Variants in KIF26B observed in about 807,000 individuals in gnomAD.
KIF26B encodes the protein kinesin-like protein KIF26B.
KIF26B carries 63 observed loss-of-function variants against 151.2 expected under a neutral mutation model. That is an observed-to-expected ratio of 0.42 (90% CI 0.34 to 0.51). The LOEUF is 0.51. Among genes scored for constraint, KIF26B ranks in the 20% least tolerant of loss-of-function variants. KIF26B has a pLI of 0.07. For missense variants in KIF26B, 2,813 were observed against 2,913.6 expected, an observed-to-expected ratio of 0.97 and a Z score of 0.79; for synonymous variants, 1,357 against 1,262.1, an observed-to-expected ratio of 1.08 and a Z score of -1.59.
intron 2 of KIF26B, among the ~76,000 whole-genome samples, chr1:245,276,820 T>G (rs929303228): frequency 2.0e-5 from 3 of 152,186 alleles, no homozygotes; most frequent in African/African-American, 7.2e-5. Flanking sequence ...GCTGTCTCTG[T>G]AGGGACAAAG....
intron 9 of KIF26B, among the ~76,000 whole-genome samples, chr1:245,618,926 G>C (rs1448926287): frequency 8.0e-6 from 1 of 125,438 alleles, no homozygotes; most frequent in East Asian, 2.4e-4. Flanking sequence ...AGCCCTATTA[G>C]ACTATAGGTT....
rs1047325972 is a variant in KIF26B at position 245,582,404 on chromosome 1, C to A, written c.1351-20173C>A. Among the ~76,000 whole-genome samples the A allele has an allele frequency of 3.3e-5, 5 of 152,092 alleles. No individual in the cohort carries two copies. In the South Asian group the frequency reaches 1.0e-3, roughly 32 times the overall value. On this transcript the variant is annotated intron_variant, in intron 5 of 14. Transcript: ENST00000407071. ...CAATTTTGAGTTGTTTTACAACTTA[C>A]CAGGCCGTTAATCTAAGTTTTAAAA...
chr1:245,222,140 T>C, intron 2 of KIF26B, among the ~76,000 whole-genome samples: 1 of 152,134 alleles, frequency 6.6e-6, no homozygotes, highest in East Asian at 1.9e-4. Flanking sequence ...GGAAAGACCC[T>C]CTTAACAAAT....
Position 245,687,109 on chromosome 1 carries a change from G to A in KIF26B, c.4126G>A (p.Ala1376Thr), listed in dbSNP as rs1350047468. The A allele has an allele frequency of 6.2e-7, 1 of 1,613,360 alleles. No individual in the cohort carries two copies. Among genetic ancestry groups the A allele is most frequent in the Non-Finnish European group, 8.5e-7 (1 of 1,179,804 alleles). Reference sequence around the variant, plus strand: ...GGCCATGGTCACCATCTCCAACACGGCCAATCTGAGCAGCTGCGAGGGGTA... The same window carrying A: ...GGCCATGGTCACCATCTCCAACACGACCAATCTGAGCAGCTGCGAGGGGTA... ...SKAMVTISNT[A>T]NLSSCEGYIP... The change falls in exon 12 of 15, where the codon GCC becomes ACC. Residue 1376 changes from alanine (A) to threonine (T), a missense_variant. This residue lies in a region of KIF26B where 2,060 missense variants were observed against 2,088.6 expected (regional missense o/e 0.99). Coordinates refer to ENST00000407071, the MANE Select transcript of KIF26B (RefSeq NM_018012.4). The surrounding 1 kb of genome is among the most constrained non-coding windows in gnomAD (Gnocchi z 4.9).
rs550297095 is a variant in KIF26B, at chr1:245,327,466, G to T, written c.466-39368G>T. On this transcript the variant is annotated intron_variant, in intron 2 of 14. Coordinates refer to ENST00000407071, the MANE Select transcript of KIF26B (RefSeq NM_018012.4). ...GTTTTCCTCCCTTGCATTTTGGTCT[G>T]TCTGCTCCCCAAACTTTTAGCTATG... Among the ~76,000 whole-genome samples, 32 of 152,208 alleles carry T rather than the reference G, an allele frequency of 2.1e-4. No individual in the cohort carries two copies. In the South Asian group the frequency reaches 4.4e-3, roughly 21 times the overall value.
intron 4 of KIF26B, among the ~76,000 whole-genome samples, chr1:245,539,896 G>C (rs1353059236): frequency 6.6e-5 from 10 of 152,144 alleles, no homozygotes; most frequent in African/African-American, 2.4e-4. Context: ...CAGGTGAGCT[G>C]CCTGCCTCGG....
chr1:245,343,239 T>A (rs1468858198), intron 2 of KIF26B, among the ~76,000 whole-genome samples: 1 of 152,144 alleles, frequency 6.6e-6, no homozygotes, highest in African/African-American at 2.4e-5. Context: ...GTTATTTGGG[T>A]GTGATGTGTT....
intron 4 of KIF26B, among the ~76,000 whole-genome samples, chr1:245,453,914 AT>A (rs2103054226): frequency 6.6e-6 from 1 of 152,314 alleles, no homozygotes; most frequent in Admixed American, 6.5e-5. Context: ...CTGAAATGGT[AT>A]AAATAAAAAT....
At chr1:245,664,091 G>A (rs146855362) in intron 10 of KIF26B, among the ~76,000 whole-genome samples, 2 of 152,214 alleles carry the variant, frequency 1.3e-5, no homozygotes, top group African/African-American at 4.8e-5. Context: ...ATCCACGGCC[G>A]GGCATGGTGG....
At chr1:245,669,235 ACT>A (rs1212410045) in intron 10 of KIF26B, among the ~76,000 whole-genome samples, 1 of 152,114 alleles carries the variant, frequency 6.6e-6, no homozygotes, top group African/African-American at 2.4e-5. Context: ...ATCATGGGCC[ACT>A]CTCATCGTTA....
In KIF26B at chr1:245,303,305, T is replaced by C. The variant is rs548015848; in HGVS notation, c.466-63529T>C. ...GCTCCGCCTCCCGGGTTCACGCCAT[T>C]CTCCTGCCTCAGCCTCCCGAGTAGC... On this transcript the variant is annotated intron_variant, in intron 2 of 14. Coordinates refer to ENST00000407071, the MANE Select transcript of KIF26B (RefSeq NM_018012.4). Among the ~76,000 whole-genome samples, 17 of 149,144 alleles carry C rather than the reference T, an allele frequency of 1.1e-4. 1 individual carries two copies. The South Asian group carries it at 3.0e-3, about 26-fold the overall frequency.
intron 2 of KIF26B, among the ~76,000 whole-genome samples, chr1:245,245,931 A>AAAAC (rs1378104780): frequency 6.6e-6 from 1 of 150,722 alleles, no homozygotes; most frequent in Non-Finnish European, 1.5e-5. Context: ...GTCTCAAAAA[A>AAAAC]AAAAAAAAAA....
At chr1:245,445,953 C>T (rs966075046) in intron 4 of KIF26B, among the ~76,000 whole-genome samples, 1 of 152,206 alleles carries the variant, frequency 6.6e-6, no homozygotes, top group African/African-American at 2.4e-5. Context: ...TCATCTATTA[C>T]TATTTCATTT....
In KIF26B at chr1:245,288,936, G is replaced by GT. The variant is rs34674785; in HGVS notation, c.466-77889dup. ...AATCTAAACAATGCCACAACTGTTT[G>GT]TTTTTTTTTAAATAACCTTCCATGC... On this transcript the variant is annotated intron_variant, in intron 2 of 14. Coordinates refer to ENST00000407071, the MANE Select transcript of KIF26B (RefSeq NM_018012.4). Among the ~76,000 whole-genome samples, 20 of 151,774 alleles carry GT rather than the reference G, an allele frequency of 1.3e-4. No individual in the cohort carries two copies. In the East Asian group the frequency reaches 1.5e-3, roughly 12 times the overall value.
At chr1:245,272,766 T>C (rs1241291813) in intron 2 of KIF26B, among the ~76,000 whole-genome samples, 1 of 152,226 alleles carries the variant, frequency 6.6e-6, no homozygotes, top group African/African-American at 2.4e-5. Context: ...TCCCCAGTGA[T>C]TGTTTTCTTT....
Position 245,155,400 on chromosome 1 carries a change from G to C in KIF26B, c.-25G>C, listed in dbSNP as rs760531064. The C allele has an allele frequency of 9.4e-6, 15 of 1,596,300 alleles. 1 individual carries two copies. The East Asian group carries it at 2.3e-4, about 24-fold the overall frequency. On this transcript the variant is annotated 5_prime_UTR_variant, in exon 1 of 15. Transcript: ENST00000407071. The stretch of plus-strand genomic sequence containing the variant: ...GGATGTAGCGTCGGTGGAACCTTTA[G>C]ATACTCTCCTCTGGAAAAGCCACCA...
intron 3 of KIF26B, among the ~76,000 whole-genome samples, chr1:245,402,127 A>T (rs948796433): frequency 6.6e-6 from 1 of 152,170 alleles, no homozygotes; most frequent in African/African-American, 2.4e-5. Context: ...GTTGTTGAGC[A>T]GCTGTTCTCC....
intron 5 of KIF26B, among the ~76,000 whole-genome samples, chr1:245,542,758 A>G (rs1049872589): frequency 1.1e-4 from 17 of 152,226 alleles, no homozygotes; most frequent in African/African-American, 4.1e-4. Context: ...GTGGTAAGAT[A>G]CAGGTAACAT....
At chr1:245,674,921 GT>G (rs2044340082) in intron 10 of KIF26B, among the ~76,000 whole-genome samples, 1 of 152,298 alleles carries the variant, frequency 6.6e-6, no homozygotes, top group Non-Finnish European at 1.5e-5. Flanking sequence ...CAACTACAAA[GT>G]TAGCAGAAAG....
Sources: gnomAD v4.1 joint callset for allele counts (sites outside exome capture counted in the v4.1 genomes callset) on GRCh38, gnomAD v4.1.1 for gene constraint, gnomAD v4.1.1 regional missense constraint, Gnocchi (gnomAD v3.1) non-coding constraint, MANE v1.5 for transcripts, NCBI Gene and HGNC (gene_info 2026-07-23, HGNC 2026-07-21) for gene names.